Variants in LYST observed in about 807,000 individuals in gnomAD.
LYST encodes lysosomal-trafficking regulator.
A neutral mutation model predicts 413.6 loss-of-function variants in LYST; 192 were observed. The ratio of observed to expected loss-of-function variants is 0.46; its 90% CI spans 0.41 to 0.52. LYST has a LOEUF of 0.52. LYST is among the 20% of genes least tolerant of loss of function. The probability of loss-of-function intolerance (pLI) is 0.00; values close to 1 mark genes in which losing one functional copy is unlikely to be tolerated. For missense variants in LYST, 3,815 were observed against 4,499.9 expected, an observed-to-expected ratio of 0.85 and a Z score of 4.35; for synonymous variants, 1,525 against 1,567.3, an observed-to-expected ratio of 0.97 and a Z score of 0.64.
rs772383764 is a variant in LYST at position 235,788,839 on chromosome 1, T to C, written c.4550A>G (p.Asp1517Gly). 2 of 1,613,506 alleles carry C rather than the reference T, an allele frequency of 1.2e-6. No individual in the cohort carries two copies. The highest frequency in any genetic ancestry group is 1.1e-5 in the South Asian group (1 of 91,082). Residue 1517 changes from aspartate (D) to glycine (G), a missense_variant, in exon 13 of 53, where the codon GAC becomes GGC. By Grantham distance (94) the Asp-to-Gly change is moderately conservative. This residue lies in a region of LYST where 1,648 missense variants were observed against 1,810.3 expected (regional missense o/e 0.91). Transcript: ENST00000389793. Reference protein sequence around the residue: ...PDSSFDGTESDRPEGAEYINP... With the variant: ...PDSSFDGTESGRPEGAEYINP... ...TATGTACTCTGCACCTTCTGGTCTG[T>C]CGCTCTCTATAAGAAAAAGATGTTA...
At chr1:235,691,066 G>A (rs1328612021) in intron 47 of LYST, among the ~76,000 whole-genome samples, 4 of 152,052 alleles carry the variant, frequency 2.6e-5, no homozygotes, top group Admixed American at 2.0e-4. Context: ...ACAGGCGCCC[G>A]CCACCACGCC....
intron 10 of LYST, among the ~76,000 whole-genome samples, chr1:235,794,012 T>C (rs962622449): frequency 2.0e-5 from 3 of 151,998 alleles, no homozygotes; most frequent in Admixed American, 6.6e-5. Context: ...TTTGTATTTT[T>C]AGAAGAGACG....
intron 44 of LYST, among the ~76,000 whole-genome samples, chr1:235,703,282 T>C (rs1156644588): frequency 6.6e-6 from 1 of 152,144 alleles, no homozygotes; most frequent in Non-Finnish European, 1.5e-5. Context: ...AAGTTGCTTA[T>C]CCAAAGCAAT....
At chr1:235,711,705 A>G (rs796352967) in intron 43 of LYST, among the ~76,000 whole-genome samples, 5 of 152,296 alleles carry the variant, frequency 3.3e-5, no homozygotes, top group African/African-American at 1.2e-4. Context: ...CAGTTAATTT[A>G]CATTTTGCTT....
chr1:235,845,435 GA>G (rs1310026791), intron 1 of LYST, among the ~76,000 whole-genome samples: 2 of 152,162 alleles, frequency 1.3e-5, no homozygotes, highest in Non-Finnish European at 2.9e-5. Context: ...ACAGGGAAAG[GA>G]ATTCTCTAGC....
chr1:235,760,148 G>C (rs1428212453), intron 22 of LYST, among the ~76,000 whole-genome samples: 1 of 151,400 alleles, frequency 6.6e-6, no homozygotes, highest in Non-Finnish European at 1.5e-5. Flanking sequence ...TGTGGGCTTT[G>C]CAACTAGATA....
At chr1:235,715,639 C>T (rs1364237053) in intron 41 of LYST, among the ~76,000 whole-genome samples, 1 of 152,058 alleles carries the variant, frequency 6.6e-6, no homozygotes, top group Non-Finnish European at 1.5e-5. Context: ...AGCACTCCAC[C>T]TCCTAACTAA....
chr1:235,784,978 T>C (rs1005565722), intron 14 of LYST, among the ~76,000 whole-genome samples: 1 of 152,226 alleles, frequency 6.6e-6, no homozygotes, highest in Admixed American at 6.5e-5. Flanking sequence ...GAACTCTTAA[T>C]TTTACTTCCA....
rs1248462228 is a variant in LYST at position 235,757,351 on chromosome 1, A to T, written c.6989T>A (p.Leu2330His). Residue 2330 changes from leucine to histidine, a missense_variant, in exon 24 of 53, where the codon CTT becomes CAT. Leu to His is a moderately conservative substitution (Grantham distance 99). Coordinates refer to ENST00000389793, the MANE Select transcript of LYST (RefSeq NM_000081.4). Reference sequence around the variant, plus strand: ...GACCAAAAGTGTATCTGCTTGAATAAGCTTGTCCATCACATCTTCAAGCAA... The same window carrying T: ...GACCAAAAGTGTATCTGCTTGAATATGCTTGTCCATCACATCTTCAAGCAA... ...DVLLEDVMDK[L>H]IQADTLLVLV... 1 of 1,613,464 alleles carries T rather than the reference A, an allele frequency of 6.2e-7. No homozygotes were observed. Among genetic ancestry groups the T allele is most frequent in the Non-Finnish European group, 8.5e-7 (1 of 1,179,554 alleles).
chr1:235,752,793 C>A (rs1666634985), intron 26 of LYST, among the ~76,000 whole-genome samples: 1 of 151,966 alleles, frequency 6.6e-6, no homozygotes, highest in South Asian at 2.1e-4. Context: ...TTTTCCAAAT[C>A]AAGAAAGGGT....
At chr1:235,823,480 A>G (rs1675002329) in intron 3 of LYST, among the ~76,000 whole-genome samples, 1 of 152,366 alleles carries the variant, frequency 6.6e-6, no homozygotes, top group African/African-American at 2.4e-5. Context: ...AAATCTGAAG[A>G]ATAATTCTCA....
chr1:235,746,221 T>C lies in LYST; in HGVS notation c.7972+115A>G, dbSNP rs1665912085. Reference sequence around the variant, plus strand: ...TAAGAAACTCTTAATACTATGGATGTTAAGAACTGAAAAATAATGCTGCTT... The same window carrying C: ...TAAGAAACTCTTAATACTATGGATGCTAAGAACTGAAAAATAATGCTGCTT... On this transcript the variant is annotated intron_variant, in intron 29 of 52. Transcript: ENST00000389793. 1.2e-5 allele frequency: 10 copies of C among 851,328 alleles called. No homozygotes were observed. The South Asian group carries it at 1.5e-4, about 13-fold the overall frequency. The allele number at this position is 851,328 out of a possible 1,614,324, so 52.7% of individuals were successfully genotyped here. A position where few individuals can be genotyped will look rare whatever the true frequency, so the allele number is the denominator to read the frequency against.
At chr1:235,811,654 T>C (rs1673460043) in intron 4 of LYST, among the ~76,000 whole-genome samples, 1 of 152,048 alleles carries the variant, frequency 6.6e-6, no homozygotes, top group Admixed American at 6.6e-5. Context: ...AAGAGCTATA[T>C]AAAAAAGTAG....
At chr1:235,687,913 C>G (rs1315029748) in intron 47 of LYST, among the ~76,000 whole-genome samples, 1 of 152,244 alleles carries the variant, frequency 6.6e-6, no homozygotes, top group African/African-American at 2.4e-5. Context: ...CAAGCTGTCT[C>G]TTGCTGGCTT....
chr1:235,715,072 A>G (rs1662715481), intron 42 of LYST, 129 bp downstream of exon 42: 1 of 878,166 alleles, frequency 1.1e-6, no homozygotes. Context: ...CAAGGAATAA[A>G]TAGAATTCTT....
At chr1:235,772,051 C>T (rs1328723951) in intron 19 of LYST, among the ~76,000 whole-genome samples, 2 of 148,344 alleles carry the variant, frequency 1.3e-5, no homozygotes, top group Non-Finnish European at 3.0e-5. Flanking sequence ...AGTGAGACTT[C>T]ATCTCTACAA....
At chr1:235,726,018 A>G (rs1298828657) in intron 38 of LYST, among the ~76,000 whole-genome samples, 1 of 152,230 alleles carries the variant, frequency 6.6e-6, no homozygotes, top group Non-Finnish European at 1.5e-5. Context: ...TATGCTACTT[A>G]ATGCTTTTAA....
intron 1 of LYST, among the ~76,000 whole-genome samples, chr1:235,865,843 C>A (rs1029616409): frequency 3.3e-5 from 5 of 152,172 alleles, no homozygotes; most frequent in Non-Finnish European, 5.9e-5. Context: ...ATCTGTTAAA[C>A]AAACAATAGG....
At chr1:235,802,214 A>AC (rs1558267048) in intron 8 of LYST, among the ~76,000 whole-genome samples, 6 of 150,854 alleles carry the variant, frequency 4.0e-5, no homozygotes, top group Non-Finnish European at 8.9e-5. Flanking sequence ...AAAAAAAAAA[A>AC]AAAAAACTAG....
Sources: allele counts gnomAD v4.1 joint callset (sites outside exome capture counted in the v4.1 genomes callset), GRCh38; gene constraint gnomAD v4.1.1; regional missense constraint gnomAD v4.1.1; transcripts MANE v1.5; gene names NCBI Gene and HGNC (gene_info 2026-07-23, HGNC 2026-07-21).